Variants in TBX15 observed in about 807,000 individuals in gnomAD.
TBX15 encodes T-box transcription factor TBX15.
Under a neutral mutation model 53.9 loss-of-function variants are expected in TBX15, and 18 were observed. The observed-to-expected ratio is 0.33, with a 90% confidence interval of 0.23 to 0.49. The LOEUF is 0.49. Among genes scored for constraint, TBX15 ranks in the 20% least tolerant of loss-of-function variants. TBX15 has a pLI of 0.98. For synonymous variants in TBX15, 295 were observed against 278.0 expected (o/e 1.06, Z -0.61); for missense variants, 692 against 749.5 (o/e 0.92, Z 0.90).
chr1:118,948,987 G>C (rs1408904393), intron 1 of TBX15, among the ~76,000 whole-genome samples: 1 of 152,174 alleles, frequency 6.6e-6, no homozygotes, highest in Non-Finnish European at 1.5e-5. Flanking sequence ...TGTGGACCAG[G>C]ATAAAATATA....
intron 1 of TBX15, among the ~76,000 whole-genome samples, chr1:118,974,444 G>A (rs118000985): frequency 5.0e-4 from 76 of 152,236 alleles, no homozygotes; most frequent in African/African-American, 1.5e-3. Context: ...TAAAATCCAC[G>A]CACCAAAACA....
At chr1:118,985,246 T>A (rs1657791694) in intron 1 of TBX15, among the ~76,000 whole-genome samples, 2 of 152,084 alleles carry the variant, frequency 1.3e-5, no homozygotes, top group African/African-American at 4.8e-5. Flanking sequence ...ACAATGAGGC[T>A]CACCCGGGAA....
intron 1 of TBX15, among the ~76,000 whole-genome samples, chr1:118,976,155 A>C (rs1203049312): frequency 6.6e-6 from 1 of 152,150 alleles, no homozygotes; most frequent in South Asian, 2.1e-4. Flanking sequence ...GGGCTGCCAA[A>C]TGTGGGTTGT....
At chr1:118,902,710 T>A (rs1654673007) in intron 6 of TBX15, among the ~76,000 whole-genome samples, 1 of 152,122 alleles carries the variant, frequency 6.6e-6, no homozygotes, top group South Asian at 2.1e-4. Flanking sequence ...CCATAGAACT[T>A]CTGAGCTTCA....
chr1:118,974,474 T>A (rs912662791), intron 1 of TBX15, among the ~76,000 whole-genome samples: 1 of 152,196 alleles, frequency 6.6e-6, no homozygotes, highest in African/African-American at 2.4e-5. Flanking sequence ...GGCTGGATTT[T>A]CTTCAAATCC....
chr1:118,905,080 T>G (rs986805577), intron 6 of TBX15, among the ~76,000 whole-genome samples: 3 of 152,190 alleles, frequency 2.0e-5, no homozygotes, highest in Non-Finnish European at 4.4e-5. Flanking sequence ...GCAAAAGAAT[T>G]ACAATCATTC....
chr1:118,940,951 A>G (rs1016873196), intron 1 of TBX15, among the ~76,000 whole-genome samples: 4 of 152,130 alleles, frequency 2.6e-5, no homozygotes, highest in African/African-American at 7.2e-5. Context: ...TACCTCTTGC[A>G]CCAAAGGTCC....
intron 2 of TBX15, 52 bp downstream of exon 2, chr1:118,931,567 C>T: frequency 6.3e-7 from 1 of 1,594,410 alleles, no homozygotes; most frequent in Non-Finnish European, 8.6e-7. Flanking sequence ...TGTAATGGCT[C>T]CTACTTCTGC....
intron 1 of TBX15, among the ~76,000 whole-genome samples, chr1:118,976,727 C>T (rs188382006): frequency 1.3e-5 from 2 of 152,270 alleles, no homozygotes; most frequent in Admixed American, 1.3e-4. Flanking sequence ...GTGGAACATT[C>T]AATAGCAAGA....
rs539457480 is a variant in TBX15 at position 118,926,665 on chromosome 1, G to A, written c.420-54C>T. On this transcript the variant is annotated intron_variant, in intron 2 of 7. Coordinates refer to ENST00000369429, the MANE Select transcript of TBX15 (RefSeq NM_001330677.2). ...AGAAATCAGGGTGGGAGAAGTAGCA[G>A]GGGTAAAAGCTTAAACAATGTGGGT... 33 of 1,466,774 alleles carry A rather than the reference G, an allele frequency of 2.2e-5. No individual in the cohort carries two copies. In the East Asian group the frequency reaches 6.8e-4, roughly 30 times the overall value. The allele number at this position is 1,466,774 out of a possible 1,614,324, so 90.9% of individuals were successfully genotyped here. A position where few individuals can be genotyped will look rare whatever the true frequency, so the allele number is the denominator to read the frequency against.
chr1:118,924,632 A>T lies in TBX15; in HGVS notation c.693+14T>A. 2 of 1,613,968 alleles carry T rather than the reference A, an allele frequency of 1.2e-6. No homozygotes were observed. The highest frequency in any genetic ancestry group is 1.1e-5 in the South Asian group (1 of 91,084). ...AAGAGAGAAAGAAAGGGGAGATAGG[A>T]TTCTTTGACTCACATGTCCTTGATC... On this transcript the variant is annotated intron_variant, in intron 4 of 7. Transcript: ENST00000369429.
chr1:118,912,284 G>T (rs1233960730), intron 6 of TBX15, among the ~76,000 whole-genome samples: 1 of 151,618 alleles, frequency 6.6e-6, no homozygotes. Context: ...GAGAGAGAGA[G>T]AGTTGTATCT....
chr1:118,907,595 G>C (rs187075414), intron 6 of TBX15, among the ~76,000 whole-genome samples: 2 of 152,298 alleles, frequency 1.3e-5, no homozygotes, highest in East Asian at 3.9e-4. Context: ...GGTCTTGGCA[G>C]TTGTCATGCT....
At chr1:118,929,447 A>G (rs1326413138) in intron 2 of TBX15, among the ~76,000 whole-genome samples, 1 of 152,252 alleles carries the variant, frequency 6.6e-6, no homozygotes, top group Non-Finnish European at 1.5e-5. Context: ...TTCACAGAAG[A>G]GAAAGCCTTA....
chr1:118,924,882 A>G, intron 3 of TBX15, 65 bp from the exon 4 acceptor site: 1 of 1,584,080 alleles, frequency 6.3e-7, no homozygotes, highest in South Asian at 1.1e-5. Flanking sequence ...AGGCCCAGGA[A>G]ACAAGTTGAG....
chr1:118,982,333 C>CA (rs1657677860), intron 1 of TBX15, among the ~76,000 whole-genome samples: 1 of 152,240 alleles, frequency 6.6e-6, no homozygotes. Context: ...TAATCAGGAT[C>CA]TCAAAGCGAT....
chr1:118,908,920 T>TCACACACACACA (rs113048062), intron 6 of TBX15, among the ~76,000 whole-genome samples: 1 of 149,260 alleles, frequency 6.7e-6, no homozygotes, highest in Non-Finnish European at 1.5e-5. Flanking sequence ...CACTCAACAT[T>TCACACACACACA]CACACACACA....
intron 1 of TBX15, among the ~76,000 whole-genome samples, chr1:118,979,423 T>C (rs370456035): frequency 1.4e-4 from 22 of 152,252 alleles, no homozygotes; most frequent in African/African-American, 4.8e-4. Flanking sequence ...ACCCTAGATT[T>C]ACCCATTTGG....
At chr1:118,918,341 T>C (rs1207781894) in intron 5 of TBX15, among the ~76,000 whole-genome samples, 1 of 152,156 alleles carries the variant, frequency 6.6e-6, no homozygotes, top group Non-Finnish European at 1.5e-5. Context: ...CATTGAATAT[T>C]TATTCAATGA....
Sources: allele counts gnomAD v4.1 joint callset (sites outside exome capture counted in the v4.1 genomes callset), GRCh38; gene constraint gnomAD v4.1.1; transcripts MANE v1.5; gene names NCBI Gene and HGNC (gene_info 2026-07-23, HGNC 2026-07-21).